Variants in NBAS observed in about 807,000 individuals in gnomAD.
The protein encoded by NBAS is NAG/BC035112 fusion.
In NBAS, 219 loss-of-function variants were observed where a neutral mutation model predicts 302.5. The ratio of observed to expected loss-of-function variants is 0.72; its 90% CI spans 0.65 to 0.81. The LOEUF (loss-of-function observed/expected upper bound fraction) is 0.81, where lower values mean the gene tolerates loss of function less well. NBAS is among the 30% of genes least tolerant of loss of function. The probability of loss-of-function intolerance (pLI) is 0.00; values close to 1 mark genes in which losing one functional copy is unlikely to be tolerated. For missense variants in NBAS, 2,932 were observed against 2,841.6 expected (o/e 1.03, Z -0.72); for synonymous variants, 1,118 against 1,021.6 (o/e 1.09, Z -1.80).
chr2:15,245,576 C>T (rs1341085122), intron 44 of NBAS, among the ~76,000 whole-genome samples: 1 of 151,820 alleles, frequency 6.6e-6, no homozygotes, highest in Non-Finnish European at 1.5e-5. Flanking sequence ...AATTGTGGCT[C>T]ATACATAACA....
At chr2:15,364,242 C>G (rs59153158) in intron 32 of NBAS, among the ~76,000 whole-genome samples, 4,006 of 152,206 alleles carry the variant, frequency 0.026, 138 homozygotes, top group African/African-American at 0.08. Flanking sequence ...TTTGAAAATG[C>G]CTTGAAGCAG....
At chr2:15,452,445 G>C (rs1029310540) in intron 21 of NBAS, among the ~76,000 whole-genome samples, 2 of 57,970 alleles carry the variant, frequency 3.5e-5, no homozygotes, top group Non-Finnish European at 3.6e-5. Flanking sequence ...AAAATTAGTC[G>C]GGCGTGGTGG....
chr2:15,044,710 T>A, the NBAS span, among the ~76,000 whole-genome samples: 2 of 152,134 alleles, frequency 1.3e-5, no homozygotes, highest in Non-Finnish European at 2.9e-5. Flanking sequence ...CACAGAATGG[T>A]TGTGAGGGTT....
chr2:15,545,944 T>A (rs1313742198), intron 6 of NBAS, among the ~76,000 whole-genome samples: 1 of 152,204 alleles, frequency 6.6e-6, no homozygotes, highest in Non-Finnish European at 1.5e-5. Context: ...GCTGGTGGAA[T>A]CAAATACAAT....
intron 44 of NBAS, among the ~76,000 whole-genome samples, chr2:15,240,262 C>G (rs1281565898): frequency 1.3e-5 from 2 of 151,904 alleles, no homozygotes; most frequent in Non-Finnish European, 2.9e-5. Context: ...AGGAGGTAAG[C>G]TGCCCCCAGA....
chr2:15,157,245 T>C, the NBAS span, among the ~76,000 whole-genome samples: 2 of 152,198 alleles, frequency 1.3e-5, no homozygotes, highest in Non-Finnish European at 2.9e-5. Context: ...TGAGTGATCA[T>C]GAGAGATGGA....
chr2:14,837,151 G>A, the NBAS span, among the ~76,000 whole-genome samples: 1 of 151,550 alleles, frequency 6.6e-6, no homozygotes, highest in Non-Finnish European at 1.5e-5. Flanking sequence ...ACTTTTATTT[G>A]TTCCTCTCAC....
chr2:14,842,253 C>T, the NBAS span, among the ~76,000 whole-genome samples: 4 of 151,768 alleles, frequency 2.6e-5, no homozygotes, highest in Admixed American at 1.3e-4. Flanking sequence ...AAATAAACAA[C>T]CTCATGATGC....
chr2:15,090,289 C>T, the NBAS span, among the ~76,000 whole-genome samples: 2 of 152,208 alleles, frequency 1.3e-5, no homozygotes, highest in Admixed American at 6.5e-5. Flanking sequence ...TCACTCTGTC[C>T]TCCATGTGTG....
chr2:15,035,397 G>A, the NBAS span, among the ~76,000 whole-genome samples: 2 of 152,136 alleles, frequency 1.3e-5, no homozygotes, highest in African/African-American at 4.8e-5. Context: ...TGGTGGGAAC[G>A]TAAGTCAGTT....
chr2:15,099,637 G>T, the NBAS span, among the ~76,000 whole-genome samples: 1 of 151,016 alleles, frequency 6.6e-6, no homozygotes, highest in East Asian at 1.9e-4. Context: ...ACCCTGGCAC[G>T]CTCCCTCAAT....
chr2:15,128,515 G>T, the NBAS span, among the ~76,000 whole-genome samples: 1 of 152,188 alleles, frequency 6.6e-6, no homozygotes, highest in African/African-American at 2.4e-5. Flanking sequence ...GGAAATCTGA[G>T]AAGAGATGAG....
chr2:15,066,588 C>G, the NBAS span, among the ~76,000 whole-genome samples: 1 of 152,228 alleles, frequency 6.6e-6, no homozygotes, highest in African/African-American at 2.4e-5. Flanking sequence ...ATGTGAACCA[C>G]AAGCACGTTT....
chr2:15,246,713 C>T (rs531521526), intron 44 of NBAS, among the ~76,000 whole-genome samples: 2 of 152,168 alleles, frequency 1.3e-5, no homozygotes, highest in Admixed American at 1.3e-4. Context: ...GGAAGTCATG[C>T]AGGAAGGGGC....
chr2:15,354,234 A>C (rs1673507962), intron 33 of NBAS, among the ~76,000 whole-genome samples: 1 of 152,262 alleles, frequency 6.6e-6, no homozygotes, highest in South Asian at 2.1e-4. Flanking sequence ...ATAGATCTCC[A>C]TACAGAATCA....
intron 44 of NBAS, among the ~76,000 whole-genome samples, chr2:15,253,705 G>C (rs928993657): frequency 6.6e-6 from 1 of 152,150 alleles, no homozygotes; most frequent in Non-Finnish European, 1.5e-5. Context: ...AGGCATGTCT[G>C]ACACTCTTCC....
In NBAS at chr2:15,218,815, A is replaced by C. The variant is rs114448506; in HGVS notation, c.6390T>G (p.Phe2130Leu). The change falls in exon 48 of 52, where the codon TTT (phenylalanine) becomes TTG (leucine). Residue 2130 changes from phenylalanine to leucine, a missense_variant. By Grantham distance (22) the Phe-to-Leu change is conservative. Coordinates refer to ENST00000281513, the MANE Select transcript of NBAS (RefSeq NM_015909.4). ...TEEDSKLLVF[F>L]RTEAILKASW... ...AGGCTTTGAGAATGGCTTCAGTTCTAAAGAACACGAGGAGCTTGCTGTCCT... is the reference window on the plus strand; with the variant it reads ...AGGCTTTGAGAATGGCTTCAGTTCTCAAGAACACGAGGAGCTTGCTGTCCT... 3.9e-4 allele frequency: 626 copies of C among 1,614,228 alleles called. 7 individuals are homozygous for C. The African/African-American group carries it at 7.8e-3, about 20-fold the overall frequency.
At chr2:14,785,879 TAGTTTCAGGAGGAATGGTACC>T in the NBAS span, among the ~76,000 whole-genome samples, 2 of 152,196 alleles carry the variant, frequency 1.3e-5, no homozygotes, top group Admixed American at 1.3e-4. Flanking sequence ...TTGATTGGAA[TAGTTTCAGGAGGAATGGTACC>T]AGTTCCTCCT....
the NBAS span, among the ~76,000 whole-genome samples, chr2:14,955,602 G>T: frequency 3.3e-5 from 5 of 152,316 alleles, no homozygotes; most frequent in African/African-American, 9.6e-5. Flanking sequence ...CTAGGCAGAG[G>T]TTCCCCAACC....
Sources: gnomAD v4.1 joint callset for allele counts (sites outside exome capture counted in the v4.1 genomes callset) on GRCh38, gnomAD v4.1.1 for gene constraint, MANE v1.5 for transcripts, NCBI Gene and HGNC (gene_info 2026-07-23, HGNC 2026-07-21) for gene names.